The following IFTAP variants were observed in gnomAD, a reference collection of about 807,000 sequenced individuals.
The protein encoded by IFTAP is intraflagellar transport-associated protein.
A neutral mutation model predicts 19.4 loss-of-function variants in IFTAP; 19 were observed. That is an observed-to-expected ratio of 0.98 (90% CI 0.68 to 1.44). IFTAP has a LOEUF of 1.44. Ranked by LOEUF, IFTAP falls within the 40% of genes most tolerant of loss-of-function variation. IFTAP has a pLI of 0.00. For synonymous variants in IFTAP, 85 were observed against 83.5 expected (o/e 1.02, Z -0.10); for missense variants, 240 against 253.6 (o/e 0.95, Z 0.36).
intron 5 of IFTAP, among the ~76,000 whole-genome samples, chr11:36,657,470 C>A (rs1854041741): frequency 6.6e-6 from 1 of 152,040 alleles, no homozygotes; most frequent in Non-Finnish European, 1.5e-5. Context: ...TTACATGTAG[C>A]CTTGAGTACA....
intron 3 of IFTAP, among the ~76,000 whole-genome samples, chr11:36,635,808 A>G (rs16929247): frequency 0.15 from 23,458 of 152,160 alleles, 2,607 homozygotes; most frequent in African/African-American, 0.31. Context: ...TTTCCCTTTC[A>G]GTGCAGAGGC....
intron 1 of IFTAP, among the ~76,000 whole-genome samples, chr11:36,599,003 CT>C (rs958311907): frequency 2.0e-5 from 3 of 151,782 alleles, no homozygotes; most frequent in Non-Finnish European, 2.9e-5. Flanking sequence ...CTTTTATTTT[CT>C]TTTTTTTGAG....
At chr11:36,611,345 A>G (rs1394167774) in intron 2 of IFTAP, among the ~76,000 whole-genome samples, 3 of 152,080 alleles carry the variant, frequency 2.0e-5, no homozygotes, top group African/African-American at 7.2e-5. Flanking sequence ...TATTGACATC[A>G]GAGCCCACTC....
intron 2 of IFTAP, among the ~76,000 whole-genome samples, chr11:36,628,642 A>T (rs1189020508): frequency 6.6e-6 from 1 of 151,290 alleles, no homozygotes; most frequent in Admixed American, 6.6e-5. Context: ...TCCGTAACTC[A>T]GCCACCACAC....
intron 2 of IFTAP, among the ~76,000 whole-genome samples, chr11:36,627,936 G>A (rs1852577478): frequency 6.6e-6 from 1 of 151,204 alleles, no homozygotes; most frequent in Admixed American, 6.6e-5. Context: ...GATATCTGGA[G>A]AGGAAACATA....
rs192232886 is a variant in IFTAP at position 36,648,639 on chromosome 11, T to C, written c.498+484T>C. Among the ~76,000 whole-genome samples, 7 of 152,296 alleles carry C rather than the reference T, an allele frequency of 4.6e-5. No homozygotes were observed. In the East Asian group the frequency reaches 1.2e-3, roughly 25 times the overall value. ...CTTAAAATGAGCAGGTGGCTCCTTT[T>C]TGGGGGGTCATCAGGGACCCAGGTT... On this transcript the variant is annotated intron_variant, in intron 5 of 5. Coordinates refer to ENST00000334307, the MANE Select transcript of IFTAP (RefSeq NM_138787.4).
intron 2 of IFTAP, among the ~76,000 whole-genome samples, chr11:36,620,776 C>T (rs989544599): frequency 6.6e-6 from 1 of 151,668 alleles, no homozygotes; most frequent in Admixed American, 6.6e-5. Flanking sequence ...TTCTAATATG[C>T]GTTCTCAGTG....
intron 2 of IFTAP, among the ~76,000 whole-genome samples, chr11:36,627,455 G>T (rs1852557302): frequency 6.6e-6 from 1 of 151,162 alleles, no homozygotes; most frequent in African/African-American, 2.5e-5. Flanking sequence ...CCTGGGTTTG[G>T]CTCAAGAACT....
chr11:36,656,767 T>C (rs112068788), intron 5 of IFTAP, among the ~76,000 whole-genome samples: 5,389 of 152,114 alleles, frequency 0.035, 314 homozygotes, highest in African/African-American at 0.12. Flanking sequence ...GAATCTGCTA[T>C]ATAATAAATG....
chr11:36,596,560 CTA>C (rs1313909047), intron 1 of IFTAP, among the ~76,000 whole-genome samples: 1 of 152,166 alleles, frequency 6.6e-6, no homozygotes, highest in Non-Finnish European at 1.5e-5. Context: ...TTCATAGAAA[CTA>C]AAAGGAGACA....
chr11:36,600,762 C>T (rs1282552412), intron 1 of IFTAP, among the ~76,000 whole-genome samples: 1 of 152,086 alleles, frequency 6.6e-6, no homozygotes, highest in Non-Finnish European at 1.5e-5. Context: ...CATTTTTAAG[C>T]CTTGAGGCAG....
chr11:36,596,402 C>G (rs890658423), intron 1 of IFTAP, among the ~76,000 whole-genome samples: 1 of 151,990 alleles, frequency 6.6e-6, no homozygotes, highest in Non-Finnish European at 1.5e-5. Flanking sequence ...GGATTATTAT[C>G]AAAGTTATGA....
rs185834940 is a variant in IFTAP, at chr11:36,622,471, C to T, written c.137-10813C>T. 2.1e-3 allele frequency among the ~76,000 whole-genome samples: 324 copies of T among 152,084 alleles called. 2 individuals carry two copies. Among genetic ancestry groups the T allele is most frequent in the Non-Finnish European group, 2.9e-3 (199 of 67,970 alleles). On this transcript the variant is annotated intron_variant, in intron 2 of 5. Coordinates refer to ENST00000334307, the MANE Select transcript of IFTAP (RefSeq NM_138787.4). ...AATTTACTATGTTGCTTTTATAGTT[C>T]TCATTTTGTTACGGGCAGGGCCAGT...
chr11:36,610,159 A>G lies in IFTAP; in HGVS notation c.56A>G (p.Asp19Gly). ...EIMDEDQLIK[D>G]VLDKFLNCHE... ...ATGGATGAAGATCAATTAATCAAAG[A>G]CGTCTTGGATAAATTCCTTAATTGT... The change falls in exon 2 of 6, where the codon GAC (aspartate) becomes GGC (glycine). Residue 19 changes from aspartate to glycine, a missense_variant. Transcript: ENST00000334307. 3 of 1,611,812 alleles carry G rather than the reference A, an allele frequency of 1.9e-6. No homozygotes were observed. Among genetic ancestry groups the G allele is most frequent in the African/African-American group, 1.3e-5 (1 of 74,948 alleles).
intron 2 of IFTAP, among the ~76,000 whole-genome samples, chr11:36,613,856 A>G (rs1176628623): frequency 6.6e-6 from 1 of 152,000 alleles, no homozygotes; most frequent in Non-Finnish European, 1.5e-5. Context: ...TTCAAGACGA[A>G]TATGTAGCCT....
At chr11:36,619,981 C>T (rs1385742319) in intron 2 of IFTAP, among the ~76,000 whole-genome samples, 1 of 104,396 alleles carries the variant, frequency 9.6e-6, no homozygotes, top group Non-Finnish European at 1.8e-5. Flanking sequence ...GATAATGTTA[C>T]CTTGAGAGAA....
intron 2 of IFTAP, among the ~76,000 whole-genome samples, chr11:36,617,479 G>T (rs944486393): frequency 6.6e-6 from 1 of 151,734 alleles, no homozygotes; most frequent in Non-Finnish European, 1.5e-5. Flanking sequence ...ATAGCAAGGG[G>T]TCTAAAATTT....
chr11:36,623,120 C>T (rs1409860891), intron 2 of IFTAP, among the ~76,000 whole-genome samples: 1 of 152,088 alleles, frequency 6.6e-6, no homozygotes, highest in Non-Finnish European at 1.5e-5. Context: ...GTACAAATCA[C>T]CTGGAAGGTA....
chr11:36,656,118 A>G (rs988346994), intron 5 of IFTAP, among the ~76,000 whole-genome samples: 1 of 152,180 alleles, frequency 6.6e-6, no homozygotes, highest in Admixed American at 6.5e-5. Flanking sequence ...GTTGGGCCGT[A>G]TCTATAACCA....
Sources: allele counts gnomAD v4.1 joint callset (sites outside exome capture counted in the v4.1 genomes callset), GRCh38; gene constraint gnomAD v4.1.1; transcripts MANE v1.5; gene names NCBI Gene and HGNC (gene_info 2026-07-23, HGNC 2026-07-21).